FAM20B: variants seen among roughly 807,000 people sequenced by gnomAD.
FAM20B encodes glycosaminoglycan xylosylkinase.
A neutral mutation model predicts 43.8 loss-of-function variants in FAM20B; 23 were observed. That is an observed-to-expected ratio of 0.53 (90% CI 0.38 to 0.74). The LOEUF is 0.74. Ranked by LOEUF, FAM20B falls within the 30% of genes least tolerant of loss-of-function variation. The pLI, the probability that FAM20B is intolerant of heterozygous loss-of-function variation, is 0.00. For missense variants in FAM20B, 440 were observed against 510.5 expected, an observed-to-expected ratio of 0.86 and a Z score of 1.33; for synonymous variants, 178 against 192.4, an observed-to-expected ratio of 0.93 and a Z score of 0.62.
At chr1:179,035,196 G>A in intron 1 of FAM20B, 2 of 410,932 alleles carry the variant, frequency 4.9e-6, no homozygotes, top group Non-Finnish European at 9.2e-6. Flanking sequence ...ACACCAACAT[G>A]CTTTTCTGTA....
intron 1 of FAM20B, among the ~76,000 whole-genome samples, chr1:179,034,129 G>A (rs917867924): frequency 6.6e-6 from 1 of 152,224 alleles, no homozygotes; most frequent in Non-Finnish European, 1.5e-5. Flanking sequence ...TCATCTTCAT[G>A]TCTGGCACTT....
chr1:179,071,001 A>G (rs1054753650), intron 7 of FAM20B, among the ~76,000 whole-genome samples: 19 of 152,106 alleles, frequency 1.2e-4, no homozygotes, highest in African/African-American at 4.6e-4. Flanking sequence ...GTATCCTTAA[A>G]ATAATTTTTT....
At chr1:179,022,513 C>A (rs1452165875), upstream of FAM20B, among the ~76,000 whole-genome samples, 1 of 152,176 alleles carries the variant, frequency 6.6e-6, no homozygotes, top group Admixed American at 6.5e-5. Flanking sequence ...GCAAAAGCAC[C>A]TTGAGACAAT....
chr1:179,020,139 GTGTATGTGTGTGTATACACACACACACAC>G, the FAM20B span, among the ~76,000 whole-genome samples: 1 of 142,270 alleles, frequency 7.0e-6, no homozygotes, highest in African/African-American at 2.7e-5. Flanking sequence ...GGCCTGCTCT[GTGTATGTGTGTGTATACACACACACACAC>G]ACACACACAC....
chr1:179,065,722 C>T (rs991157879), intron 6 of FAM20B, among the ~76,000 whole-genome samples: 1 of 152,234 alleles, frequency 6.6e-6, no homozygotes, highest in African/African-American at 2.4e-5. Context: ...TCCTGTGATA[C>T]ACATGATACT....
At chr1:179,043,146 C>G (rs983126661) in intron 1 of FAM20B, among the ~76,000 whole-genome samples, 1 of 152,208 alleles carries the variant, frequency 6.6e-6, no homozygotes, top group African/African-American at 2.4e-5. Flanking sequence ...GAGCCATCCT[C>G]AGTCCTCCCT....
chr1:179,052,302 G>A (rs1651039997), intron 3 of FAM20B, among the ~76,000 whole-genome samples: 1 of 151,940 alleles, frequency 6.6e-6, no homozygotes, highest in Non-Finnish European at 1.5e-5. Flanking sequence ...GTGGGGGGAG[G>A]TTCATCCTCA....
upstream of FAM20B, among the ~76,000 whole-genome samples, chr1:179,020,889 G>A (rs190887655): frequency 7.0e-4 from 107 of 152,242 alleles, no homozygotes; most frequent in African/African-American, 2.5e-3. Context: ...TGGCCACTGT[G>A]GCAAAACCCC....
chr1:179,060,204 T>C lies in FAM20B; in HGVS notation c.575-3723T>C, dbSNP rs1400611840. The stretch of plus-strand genomic sequence containing the variant: ...ATAGATTCTAGAAATCTGTATCACA[T>C]CAAAAGAGCTTCATTGTTTTGTTGT... On this transcript the variant is annotated intron_variant, in intron 4 of 7. Transcript: ENST00000263733. 2.0e-5 allele frequency among the ~76,000 whole-genome samples: 3 copies of C among 152,214 alleles called. No homozygotes were observed. The East Asian group carries it at 5.8e-4, about 29-fold the overall frequency.
chr1:179,038,498 T>C (rs987807609), intron 1 of FAM20B, among the ~76,000 whole-genome samples: 4 of 152,204 alleles, frequency 2.6e-5, no homozygotes, highest in African/African-American at 9.6e-5. Context: ...CCTATGAAGC[T>C]GACCCCTTTG....
intron 1 of FAM20B, among the ~76,000 whole-genome samples, chr1:179,029,690 A>T (rs1649927381): frequency 6.6e-6 from 1 of 152,232 alleles, no homozygotes; most frequent in African/African-American, 2.4e-5. Context: ...TGAAATTATG[A>T]ATGTGTAAAG....
At chr1:179,026,567 G>A (rs1649792780) in intron 1 of FAM20B, among the ~76,000 whole-genome samples, 1 of 152,218 alleles carries the variant, frequency 6.6e-6, no homozygotes, top group Non-Finnish European at 1.5e-5. Context: ...CGGGGTCTTT[G>A]CTGGGCCCGC....
Position 179,028,040 on chromosome 1 carries a change from A to G in FAM20B, c.-134+1942A>G, listed in dbSNP as rs150794516. On this transcript the variant is annotated intron_variant, in intron 1 of 7. Transcript: ENST00000263733. ...GCTTCTTATCTCTTCTGAATTTTAAATTCCTAAATGAAACTTTCTGTTCCT... is the reference window on the plus strand; with the variant it reads ...GCTTCTTATCTCTTCTGAATTTTAAGTTCCTAAATGAAACTTTCTGTTCCT... 2.3e-3 allele frequency among the ~76,000 whole-genome samples: 351 copies of G among 152,314 alleles called. 2 individuals carry two copies. The highest frequency in any genetic ancestry group is 8.0e-3 in the African/African-American group (334 of 41,566).
intron 1 of FAM20B, among the ~76,000 whole-genome samples, chr1:179,030,681 G>T (rs956166649): frequency 5.3e-5 from 8 of 152,192 alleles, no homozygotes; most frequent in African/African-American, 1.7e-4. Flanking sequence ...CTTTAAACCA[G>T]AGAGTTGCCA....
chr1:179,063,348 G>C (rs1651556268), intron 4 of FAM20B, among the ~76,000 whole-genome samples: 1 of 152,084 alleles, frequency 6.6e-6, no homozygotes, highest in South Asian at 2.1e-4. Flanking sequence ...CATTTTGAGA[G>C]GCTGAAGTAA....
intron 4 of FAM20B, among the ~76,000 whole-genome samples, chr1:179,055,505 G>A (rs1356767490): frequency 1.3e-5 from 2 of 152,048 alleles, no homozygotes; most frequent in Non-Finnish European, 2.9e-5. Flanking sequence ...ATAAGGCTTG[G>A]GCTATACTTT....
chr1:179,064,212 C>A (rs1466445955), intron 5 of FAM20B, 93 bp from the exon 6 acceptor site: 14 of 1,420,332 alleles, frequency 9.9e-6, no homozygotes, highest in South Asian at 1.3e-5. Context: ...GAGTCAGGGG[C>A]AAACCGGTAG....
intron 2 of FAM20B, among the ~76,000 whole-genome samples, chr1:179,049,467 T>C (rs1318395481): frequency 6.6e-6 from 1 of 152,222 alleles, no homozygotes; most frequent in East Asian, 1.9e-4. Flanking sequence ...TTAACAAAGA[T>C]TGAGTTATAT....
Position 179,075,956 on chromosome 1 carries a change from G to A in FAM20B, c.*3812G>A, listed in dbSNP as rs1410392309. On this transcript the variant is annotated 3_prime_UTR_variant, in exon 8 of 8. Coordinates refer to ENST00000263733, the MANE Select transcript of FAM20B (RefSeq NM_014864.4). ...TGAGTTTGAGCTTCAGGAAACATGA[G>A]TAAAAGTATATGTAATGTATATAGT... 2.6e-5 allele frequency: 4 copies of A among 152,102 alleles called. No individual in the cohort carries two copies. Among genetic ancestry groups the A allele is most frequent in the African/African-American group, 7.2e-5 (3 of 41,392 alleles). The allele number at this position is 152,102 out of a possible 1,614,324, so 9.4% of individuals were successfully genotyped here.
Sources: gnomAD v4.1 joint callset for allele counts (sites outside exome capture counted in the v4.1 genomes callset) on GRCh38, gnomAD v4.1.1 for gene constraint, MANE v1.5 for transcripts, NCBI Gene and HGNC (gene_info 2026-07-23, HGNC 2026-07-21) for gene names.